LRCH1: variants seen among roughly 807,000 people sequenced by gnomAD.
The protein encoded by LRCH1 is leucine rich repeats and calponin homology domain containing 1.
LRCH1 carries 23 observed loss-of-function variants against 94.9 expected under a neutral mutation model. The observed-to-expected ratio is 0.24, with a 90% CI of 0.17 to 0.34. The LOEUF (loss-of-function observed/expected upper bound fraction) is 0.34, where lower values mean the gene tolerates loss of function less well. Among genes scored for constraint, LRCH1 ranks in the 10% least tolerant of loss-of-function variants. The pLI is 1.00. For missense variants in LRCH1, 790 were observed against 945.9 expected (o/e 0.84, Z 2.16); for synonymous variants, 364 against 354.9 (o/e 1.03, Z -0.29).
In LRCH1 at chr13:46,742,090, A is replaced by G. The variant is rs892517422; in HGVS notation, c.*242A>G. On this transcript the variant is annotated 3_prime_UTR_variant, in exon 20 of 20. Transcript: ENST00000389797. ...GACGACGACTGCAAAGTGTATGCAC[A>G]CCGCATGCTTCCTCATCCACATAGT... 8.7e-5 allele frequency: 118 copies of G among 1,355,042 alleles called. No homozygotes were observed. Among genetic ancestry groups the G allele is most frequent in the Non-Finnish European group, 1.1e-4 (116 of 1,052,078 alleles). The allele number at this position is 1,355,042 out of a possible 1,614,324, so 83.9% of individuals were successfully genotyped here. A position where few individuals can be genotyped will look rare whatever the true frequency, so the allele number is the denominator to read the frequency against.
At chr13:46,692,679 C>T in intron 8 of LRCH1, 38 bp downstream of exon 8, 1 of 1,490,966 alleles carries the variant, frequency 6.7e-7, no homozygotes, top group Non-Finnish European at 9.3e-7. Context: ...GCTTGTTTTT[C>T]AGTTTCAAAT....
intron 9 of LRCH1, among the ~76,000 whole-genome samples, 189 bp from the exon 10 acceptor site, chr13:46,699,147 G>A (rs897028394): frequency 2.0e-5 from 3 of 152,198 alleles, no homozygotes; most frequent in African/African-American, 7.2e-5. Flanking sequence ...CCTTTCTAAG[G>A]CTGAGTAATA....
intron 6 of LRCH1, among the ~76,000 whole-genome samples, chr13:46,688,541 A>G (rs1465851546): frequency 2.0e-5 from 3 of 152,200 alleles, no homozygotes; most frequent in East Asian, 1.9e-4. Context: ...CCAAAAAACA[A>G]CATTCTCACA....
Position 46,681,840 on chromosome 13 carries a change from C to A in LRCH1, c.679C>A (p.Pro227Thr). 2.5e-6 allele frequency: 4 copies of A among 1,595,350 alleles called. No individual in the cohort carries two copies. Among genetic ancestry groups the A allele is most frequent in the Non-Finnish European group, 3.4e-6 (4 of 1,164,056 alleles). Reference sequence around the variant, plus strand: ...CAGAAGAAATTACCTTAAAGTTTTACCACAAGGTAAAAAAGAAAGAGGGAA... The same window carrying A: ...CAGAAGAAATTACCTTAAAGTTTTAACACAAGGTAAAAAAGAAAGAGGGAA... ...NVRRNYLKVL[P>T]QELVDLSLVK... The change falls in exon 4 of 20, where the codon CCA becomes ACA. Residue 227 changes from proline (P) to threonine (T), a missense_variant. This residue lies in a region of LRCH1 where 194 missense variants were observed against 293.5 expected (regional missense o/e 0.66). Transcript: ENST00000389797.
chr13:46,680,515 C>G (rs779089939), intron 3 of LRCH1, among the ~76,000 whole-genome samples: 1 of 152,042 alleles, frequency 6.6e-6, no homozygotes, highest in Non-Finnish European at 1.5e-5. Flanking sequence ...AAAGATTTCA[C>G]GAAAGAGGTT....
intron 18 of LRCH1, among the ~76,000 whole-genome samples, chr13:46,750,069 C>T (rs537137639): frequency 9.2e-5 from 14 of 152,272 alleles, no homozygotes; most frequent in African/African-American, 1.7e-4. Flanking sequence ...CACTTGCCTG[C>T]GTTCCAGAGG....
intron 5 of LRCH1, among the ~76,000 whole-genome samples, chr13:46,686,831 G>C (rs964240347): frequency 6.6e-6 from 1 of 151,622 alleles, no homozygotes; most frequent in Non-Finnish European, 1.5e-5. Flanking sequence ...ACAATAAATT[G>C]TCTTCCATTG....
intron 1 of LRCH1, among the ~76,000 whole-genome samples, chr13:46,609,932 A>G (rs1482894484): frequency 4.6e-5 from 7 of 152,208 alleles, no homozygotes; most frequent in South Asian, 2.1e-4. Context: ...GTGTCTGTAT[A>G]GAAGGAAGGC....
chr13:46,658,233 C>A (rs541078193), intron 2 of LRCH1, among the ~76,000 whole-genome samples: 4 of 152,126 alleles, frequency 2.6e-5, no homozygotes, highest in Non-Finnish European at 5.9e-5. Flanking sequence ...TTTTCTTTAT[C>A]CACTTTTATG....
chr13:46,656,413 G>A (rs2051370214), intron 2 of LRCH1, among the ~76,000 whole-genome samples: 1 of 152,166 alleles, frequency 6.6e-6, no homozygotes, highest in African/African-American at 2.4e-5. Flanking sequence ...CGATAAAAAT[G>A]TGTATCCCAC....
intron 13 of LRCH1, among the ~76,000 whole-genome samples, chr13:46,708,612 T>G (rs1044714600): frequency 7.9e-5 from 12 of 152,238 alleles, no homozygotes; most frequent in Non-Finnish European, 1.8e-4. Flanking sequence ...ATGCGCTGAT[T>G]TACTAACTAC....
intron 1 of LRCH1, among the ~76,000 whole-genome samples, chr13:46,639,326 A>G (rs1023808809): frequency 1.3e-5 from 2 of 152,134 alleles, no homozygotes; most frequent in Non-Finnish European, 1.5e-5. Context: ...CAGAAAGTCA[A>G]TGTGCCTTAG....
downstream of LRCH1, among the ~76,000 whole-genome samples, chr13:46,747,961 C>T (rs796781624): frequency 3.3e-5 from 5 of 152,216 alleles, no homozygotes; most frequent in African/African-American, 7.2e-5. Flanking sequence ...AGGTTAGTCT[C>T]GAACTCTTGG....
chr13:46,562,263 A>G (rs2050137316), intron 1 of LRCH1, among the ~76,000 whole-genome samples: 3 of 152,200 alleles, frequency 2.0e-5, no homozygotes, highest in African/African-American at 7.2e-5. Context: ...TTAGTCTGCT[A>G]GGGGCACCAT....
intron 16 of LRCH1, 75 bp from the exon 17 acceptor site, chr13:46,723,146 C>G: frequency 1.4e-6 from 1 of 718,466 alleles, no homozygotes; most frequent in South Asian, 2.1e-5. Flanking sequence ...AATTAAAATA[C>G]TGTTTGATTT....
intron 1 of LRCH1, among the ~76,000 whole-genome samples, chr13:46,602,441 G>A (rs557683907): frequency 6.6e-6 from 1 of 152,212 alleles, no homozygotes; most frequent in African/African-American, 2.4e-5. Context: ...ATCTAAATCA[G>A]CCCCCTGCTG....
chr13:46,579,515 A>G (rs1249955620), intron 1 of LRCH1, among the ~76,000 whole-genome samples: 2 of 150,366 alleles, frequency 1.3e-5, no homozygotes, highest in Non-Finnish European at 3.0e-5. Context: ...GCAAAAAAAG[A>G]TTATTTTCCC....
At chr13:46,657,692 A>ATTTTTTTTTTTTTTTTTTT (rs55823488) in intron 2 of LRCH1, among the ~76,000 whole-genome samples, 2 of 46,916 alleles carry the variant, frequency 4.3e-5, no homozygotes, top group Non-Finnish European at 7.7e-5. Context: ...TGCCCAGCTA[A>ATTTTTTTTTTTTTTTTTTT]TTTTTTTTTT....
intron 4 of LRCH1, among the ~76,000 whole-genome samples, chr13:46,683,774 A>G (rs1870460735): frequency 6.6e-6 from 1 of 152,234 alleles, no homozygotes; most frequent in African/African-American, 2.4e-5. Context: ...TAAAAAGATC[A>G]GTTATTCCAT....
Sources: gnomAD v4.1 joint callset for allele counts (sites outside exome capture counted in the v4.1 genomes callset) on GRCh38, gnomAD v4.1.1 for gene constraint, gnomAD v4.1.1 regional missense constraint, MANE v1.5 for transcripts, NCBI Gene and HGNC (gene_info 2026-07-23, HGNC 2026-07-21) for gene names.